Variants in HACD1 observed in about 807,000 individuals in gnomAD.
The protein encoded by HACD1 is very-long-chain (3R)-3-hydroxyacyl-CoA dehydratase 1.
A neutral mutation model predicts 32.0 loss-of-function variants in HACD1; 41 were observed. That is an observed-to-expected ratio of 1.28 (90% CI 1.00 to 1.66). The LOEUF (loss-of-function observed/expected upper bound fraction) is 1.66. Ranked by LOEUF, HACD1 falls within the 40% of genes most tolerant of loss-of-function variation. HACD1 has a pLI of 0.00. For missense variants in HACD1, 396 were observed against 380.1 expected (o/e 1.04, Z -0.35); for synonymous variants, 142 against 139.0 (o/e 1.02, Z -0.15).
In HACD1 at chr10:17,590,031, G is replaced by A. The variant is rs45503697; in HGVS notation, c.*333C>T. 0.031 allele frequency: 4,999 copies of A among 160,670 alleles called. 105 individuals carry two copies. Among genetic ancestry groups the A allele is most frequent in the Middle Eastern group, 0.11 (37 of 328 alleles). The allele number at this position is 160,670 out of a possible 1,614,324, so 10.0% of individuals were successfully genotyped here. A position where few individuals can be genotyped will look rare whatever the true frequency, so the allele number is the denominator to read the frequency against. On this transcript the variant is annotated 3_prime_UTR_variant, in exon 7 of 7. Coordinates refer to ENST00000361271, the MANE Select transcript of HACD1 (RefSeq NM_014241.4). Reference sequence around the variant, plus strand: ...TCACTAGCAGGTATAATAGTAAATCGTTAAACTAATTTCTAAATATTGATT... The same window carrying A: ...TCACTAGCAGGTATAATAGTAAATCATTAAACTAATTTCTAAATATTGATT...
chr10:17,612,119 A>C (rs545119399), intron 1 of HACD1, among the ~76,000 whole-genome samples: 38 of 151,910 alleles, frequency 2.5e-4, no homozygotes, highest in African/African-American at 8.7e-4. Flanking sequence ...AAAAAAAAAA[A>C]AAAAAAAAAA....
chr10:17,590,566 G>A, intron 6 of HACD1, 120 bp from the exon 7 acceptor site: 2 of 623,250 alleles, frequency 3.2e-6, no homozygotes, highest in Non-Finnish European at 5.2e-6. Flanking sequence ...GCTGTTCCCT[G>A]GATATTTACA....
intron 1 of HACD1, among the ~76,000 whole-genome samples, chr10:17,613,487 C>T (rs1833022769): frequency 6.6e-6 from 1 of 152,180 alleles, no homozygotes; most frequent in Non-Finnish European, 1.5e-5. Flanking sequence ...GAGAATACAT[C>T]AGGCTTGCAT....
chr10:17,604,566 T>C (rs1554816897), intron 1 of HACD1, among the ~76,000 whole-genome samples: 1 of 151,882 alleles, frequency 6.6e-6, no homozygotes, highest in Non-Finnish European at 1.5e-5. Flanking sequence ...TGACATATCA[T>C]GCAACACGGA....
intron 1 of HACD1, 50 bp downstream of exon 1, chr10:17,617,033 C>T: frequency 7.3e-7 from 1 of 1,369,496 alleles, no homozygotes; most frequent in Non-Finnish European, 9.4e-7. Flanking sequence ...CCGGAACCTC[C>T]GCGGACCGCG....
intron 1 of HACD1, among the ~76,000 whole-genome samples, chr10:17,609,155 G>GTTTTTTTTTTTTT (rs56347429): frequency 3.0e-5 from 4 of 132,128 alleles, no homozygotes; most frequent in African/African-American, 5.7e-5. Flanking sequence ...TGTGCAAAAG[G>GTTTTTTTTTTTTT]TTTTTTTTTT....
At chr10:17,600,514 C>T (rs1208437019) in intron 4 of HACD1, among the ~76,000 whole-genome samples, 1 of 151,890 alleles carries the variant, frequency 6.6e-6, no homozygotes, top group Non-Finnish European at 1.5e-5. Context: ...TTAGTAGAGA[C>T]GGGGTTTCAC....
At chr10:17,606,964 C>T (rs1387963744) in intron 1 of HACD1, among the ~76,000 whole-genome samples, 1 of 152,150 alleles carries the variant, frequency 6.6e-6, no homozygotes, top group Admixed American at 6.5e-5. Context: ...ACACAGCCAC[C>T]ACTAAGCTCG....
chr10:17,615,604 T>C (rs1554817912), intron 1 of HACD1: 1 of 155,976 alleles, frequency 6.4e-6, no homozygotes, highest in Non-Finnish European at 1.4e-5. Flanking sequence ...GGAGGATTGC[T>C]TGAGGCCGGG....
In HACD1 at chr10:17,590,088, T is replaced by C. The variant is rs1018475086; in HGVS notation, c.*276A>G. On this transcript the variant is annotated 3_prime_UTR_variant, in exon 7 of 7. Transcript: ENST00000361271. ...GCTTTGAGCATGTTTCAAAAAAAAC[T>C]TAGCAAAAGTTTTTTTTTCCCCCAG... is the stretch of plus-strand genomic sequence containing the variant. The C allele has an allele frequency of 2.3e-5, 5 of 216,602 alleles. No individual in the cohort carries two copies. Among genetic ancestry groups the C allele is most frequent in the South Asian group, 3.6e-4 (2 of 5,506 alleles). The allele number at this position is 216,602 out of a possible 1,614,324, so 13.4% of individuals were successfully genotyped here.
chr10:17,617,211 G>T lies in HACD1; in HGVS notation c.129C>A (p.Ser43Arg). The change falls in exon 1 of 7, where the codon AGC becomes AGA. Residue 43 changes from serine (S) to arginine (R), a missense_variant. Ser to Arg is a moderately radical substitution (Grantham distance 110, BLOSUM62 -1). Coordinates refer to ENST00000361271, the MANE Select transcript of HACD1 (RefSeq NM_014241.4). Reference sequence around the variant, plus strand: ...CGCCGCCGTTGGTGCCGTCCTCGTCGCTGGACGCCATGGTGGCCGCGCACC... The same window carrying T: ...CGCCGCCGTTGGTGCCGTCCTCGTCTCTGGACGCCATGGTGGCCGCGCACC... ...SPRCAATMAS[S>R]DEDGTNGGAS... The T allele has an allele frequency of 2.7e-6, 4 of 1,495,190 alleles. No homozygotes were observed. The highest frequency in any genetic ancestry group is 4.3e-5 in the Admixed American group (2 of 46,648). The allele number at this position is 1,495,190 out of a possible 1,614,324, so 92.6% of individuals were successfully genotyped here.
At chr10:17,607,795 C>T (rs1834169420) in intron 1 of HACD1, among the ~76,000 whole-genome samples, 1 of 152,124 alleles carries the variant, frequency 6.6e-6, no homozygotes, top group South Asian at 2.1e-4. Context: ...CCCATCGAAA[C>T]ATCTATTCTA....
At chr10:17,616,161 C>A (rs1253785747) in intron 1 of HACD1, among the ~76,000 whole-genome samples, 4 of 151,666 alleles carry the variant, frequency 2.6e-5, no homozygotes, top group Non-Finnish European at 2.9e-5. Flanking sequence ...CCCAGCTACT[C>A]GGGAGGCTGA....
chr10:17,612,800 T>G (rs1322269003), intron 1 of HACD1, among the ~76,000 whole-genome samples: 7 of 151,742 alleles, frequency 4.6e-5, no homozygotes, highest in African/African-American at 1.2e-4. Context: ...CGGGCGCCAG[T>G]AGTCCCAGCT....
At chr10:17,599,530 G>T in intron 4 of HACD1, 119 bp from the exon 5 acceptor site, 1 of 1,403,460 alleles carries the variant, frequency 7.1e-7, no homozygotes. Flanking sequence ...TTAGGCAAAT[G>T]CAATATAGAA....
intron 4 of HACD1, chr10:17,603,191 A>T (rs961684785): frequency 4.6e-5 from 8 of 174,030 alleles, no homozygotes; most frequent in Non-Finnish European, 9.7e-5. Context: ...GCTGGCCAGA[A>T]ATAATAAATT....
chr10:17,613,702 C>T (rs1340747014), intron 1 of HACD1, among the ~76,000 whole-genome samples: 1 of 152,092 alleles, frequency 6.6e-6, no homozygotes, highest in East Asian at 1.9e-4. Context: ...TTAGAACAAG[C>T]CCTGATTTGC....
At chr10:17,611,234 T>C (rs1834231261) in intron 1 of HACD1, among the ~76,000 whole-genome samples, 3 of 152,288 alleles carry the variant, frequency 2.0e-5, no homozygotes, top group Admixed American at 2.0e-4. Flanking sequence ...TCTCCTGACC[T>C]CGTGATCCGC....
chr10:17,614,239 G>C (rs901438506), intron 1 of HACD1, among the ~76,000 whole-genome samples: 2 of 152,030 alleles, frequency 1.3e-5, no homozygotes, highest in Non-Finnish European at 2.9e-5. Context: ...GAACATCCTG[G>C]GCAATATAGC....
Sources: allele counts gnomAD v4.1 joint callset (sites outside exome capture counted in the v4.1 genomes callset), GRCh38; gene constraint gnomAD v4.1.1; transcripts MANE v1.5; gene names NCBI Gene and HGNC (gene_info 2026-07-23, HGNC 2026-07-21).